PTPRM: variants seen among roughly 807,000 people sequenced by gnomAD.
PTPRM encodes the protein protein tyrosine phosphatase receptor type M, also known as receptor-type tyrosine-protein phosphatase mu.
PTPRM carries 47 observed loss-of-function variants against 186.7 expected under a neutral mutation model. The ratio of observed to expected loss-of-function variants is 0.25; its 90% CI spans 0.20 to 0.32. The LOEUF is 0.32. PTPRM is among the 10% of genes least tolerant of loss of function. The probability of loss-of-function intolerance (pLI) is 1.00; values close to 1 mark genes in which losing one functional copy is unlikely to be tolerated. For synonymous variants in PTPRM, 668 were observed against 674.9 expected (o/e 0.99, Z 0.16); for missense variants, 1,494 against 1,865.0 (o/e 0.80, Z 3.66).
intron 2 of PTPRM, among the ~76,000 whole-genome samples, chr18:7,802,700 AT>A (rs1425968775): frequency 6.6e-6 from 1 of 152,164 alleles, no homozygotes; most frequent in Admixed American, 6.5e-5. Context: ...TAGTAAATTG[AT>A]TTTTTTCCTG....
intron 7 of PTPRM, among the ~76,000 whole-genome samples, chr18:8,052,220 G>C (rs1021513420): frequency 2.0e-5 from 3 of 152,124 alleles, no homozygotes; most frequent in South Asian, 2.1e-4. Context: ...AATCACCCAG[G>C]CTGCTTCTTA....
At chr18:7,890,007 T>TG (rs2146368977) in intron 3 of PTPRM, among the ~76,000 whole-genome samples, 2 of 152,290 alleles carry the variant, frequency 1.3e-5, no homozygotes, top group East Asian at 3.9e-4. Context: ...TGCCCTTCTG[T>TG]GGGGGATTCC....
intron 22 of PTPRM, among the ~76,000 whole-genome samples, chr18:8,327,930 C>T (rs986332766): frequency 6.6e-6 from 1 of 152,064 alleles, no homozygotes; most frequent in Non-Finnish European, 1.5e-5. Flanking sequence ...TAAAAAGTTC[C>T]CTCCAGACAC....
At chr18:8,063,980 G>GTT (rs1440917225) in intron 7 of PTPRM, among the ~76,000 whole-genome samples, 1 of 152,098 alleles carries the variant, frequency 6.6e-6, no homozygotes, top group Non-Finnish European at 1.5e-5. Flanking sequence ...TGTGGCCTAT[G>GTT]TTTAGAGTGT....
intron 1 of PTPRM, among the ~76,000 whole-genome samples, chr18:7,689,765 C>T (rs1268290890): frequency 6.6e-6 from 1 of 152,164 alleles, no homozygotes; most frequent in African/African-American, 2.4e-5. Flanking sequence ...TTCTTATTTA[C>T]TGCACTCGTT....
intron 7 of PTPRM, among the ~76,000 whole-genome samples, chr18:7,966,737 G>T (rs1335449724): frequency 7.6e-5 from 11 of 144,158 alleles, no homozygotes; most frequent in African/African-American, 2.7e-4. Context: ...CGAATACTGC[G>T]CTTTTCAGAC....
chr18:7,805,361 C>T (rs2044181732), intron 2 of PTPRM, among the ~76,000 whole-genome samples: 1 of 152,188 alleles, frequency 6.6e-6, no homozygotes, highest in Admixed American at 6.5e-5. Flanking sequence ...CCATTTCTTT[C>T]CAGAATGATT....
intron 26 of PTPRM, 186 bp from the exon 27 acceptor site, chr18:8,378,079 G>T: frequency 1.7e-6 from 1 of 581,528 alleles, no homozygotes; most frequent in Non-Finnish European, 3.0e-6. Flanking sequence ...GGGTCCGATT[G>T]GTTTTAATCA....
chr18:7,835,188 C>CTT (rs58193493), intron 2 of PTPRM, among the ~76,000 whole-genome samples: 97 of 127,646 alleles, frequency 7.6e-4, no homozygotes, highest in African/African-American at 2.3e-3. Context: ...TGACATTTTT[C>CTT]TTTTTTTTTT....
At chr18:8,304,519 C>T (rs2095198552) in intron 20 of PTPRM, among the ~76,000 whole-genome samples, 1 of 152,052 alleles carries the variant, frequency 6.6e-6, no homozygotes, top group African/African-American at 2.4e-5. Context: ...AGACAAATAG[C>T]AAGTCGTTTT....
intron 14 of PTPRM, among the ~76,000 whole-genome samples, chr18:8,236,452 A>G (rs987560987): frequency 1.6e-4 from 24 of 152,120 alleles, no homozygotes; most frequent in African/African-American, 5.6e-4. Context: ...CTTTTAATCT[A>G]TGTGTCTTTA....
intron 17 of PTPRM, 129 bp from the exon 18 acceptor site, chr18:8,252,359 A>G (rs1200497609): frequency 2.5e-6 from 2 of 809,140 alleles, no homozygotes; most frequent in South Asian, 1.5e-5. Flanking sequence ...CCACCTCTGA[A>G]TAGAAAACTT....
At chr18:8,336,790 AC>A (rs1401107036) in intron 22 of PTPRM, among the ~76,000 whole-genome samples, 1 of 151,500 alleles carries the variant, frequency 6.6e-6, no homozygotes, top group Non-Finnish European at 1.5e-5. Flanking sequence ...CGTTGGTGAA[AC>A]CCCATCTCTG....
chr18:8,325,800 C>T (rs1224586657), intron 22 of PTPRM, among the ~76,000 whole-genome samples: 1 of 152,186 alleles, frequency 6.6e-6, no homozygotes, highest in Non-Finnish European at 1.5e-5. Flanking sequence ...CTCACCAGCA[C>T]TCTATAAGCG....
intron 14 of PTPRM, among the ~76,000 whole-genome samples, chr18:8,212,881 AC>A (rs2094026635): frequency 6.6e-6 from 1 of 152,078 alleles, no homozygotes; most frequent in African/African-American, 2.4e-5. Flanking sequence ...CCTACCCACC[AC>A]CCGTCTCCAT....
chr18:7,912,265 G>C (rs1239675506), intron 4 of PTPRM, among the ~76,000 whole-genome samples: 1 of 152,122 alleles, frequency 6.6e-6, no homozygotes, highest in African/African-American at 2.4e-5. Flanking sequence ...AGTTATTCCA[G>C]CACCACTTGT....
intron 27 of PTPRM, 24 bp downstream of exon 27, chr18:8,378,438 C>T (rs1199638368): frequency 6.2e-7 from 1 of 1,611,416 alleles, no homozygotes; most frequent in Non-Finnish European, 8.5e-7. Context: ...AAGGGAGGGG[C>T]ACTGCACGGT....
At chr18:7,824,047 C>T (rs2045351785) in intron 2 of PTPRM, among the ~76,000 whole-genome samples, 2 of 152,188 alleles carry the variant, frequency 1.3e-5, no homozygotes, top group African/African-American at 4.8e-5. Context: ...CCCCCTTGTC[C>T]TTCCCTCTCT....
intron 22 of PTPRM, among the ~76,000 whole-genome samples, chr18:8,327,379 C>A (rs1304678244): frequency 6.6e-6 from 1 of 152,208 alleles, no homozygotes; most frequent in Non-Finnish European, 1.5e-5. Context: ...CAGGCAGGGG[C>A]ATTCTGTGTG....
Sources: gnomAD v4.1 joint callset for allele counts (sites outside exome capture counted in the v4.1 genomes callset) on GRCh38, gnomAD v4.1.1 for gene constraint, MANE v1.5 for transcripts, NCBI Gene and HGNC (gene_info 2026-07-23, HGNC 2026-07-21) for gene names.